Variants in GRM8 observed in about 807,000 individuals in gnomAD.
GRM8 encodes the protein metabotropic glutamate receptor 8.
In GRM8, 47 loss-of-function variants were observed where a neutral mutation model predicts 87.2. That is an observed-to-expected ratio of 0.54 (90% CI 0.43 to 0.69). GRM8 has a LOEUF of 0.69. Ranked by LOEUF, GRM8 falls within the 30% of genes least tolerant of loss-of-function variation. GRM8 has a pLI of 0.00. For synonymous variants in GRM8, 396 were observed against 404.5 expected, an observed-to-expected ratio of 0.98 and a Z score of 0.25; for missense variants, 1,019 against 1,139.2, an observed-to-expected ratio of 0.89 and a Z score of 1.52.
chr7:126,770,782 AAT>A (rs1818759269), intron 6 of GRM8, among the ~76,000 whole-genome samples: 1 of 152,074 alleles, frequency 6.6e-6, no homozygotes, highest in African/African-American at 2.4e-5. Flanking sequence ...TTTTAAATGA[AAT>A]ATAAATGAGA....
intron 8 of GRM8, among the ~76,000 whole-genome samples, chr7:126,558,178 CAG>C (rs1294116043): frequency 1.3e-5 from 2 of 152,080 alleles, no homozygotes; most frequent in African/African-American, 2.4e-5. Context: ...GGTAGGTTAG[CAG>C]AGAGTTAAGT....
chr7:126,607,757 T>C (rs1798505140), intron 8 of GRM8, among the ~76,000 whole-genome samples: 2 of 152,058 alleles, frequency 1.3e-5, no homozygotes, highest in African/African-American at 4.8e-5. Context: ...TGAAGGTTAG[T>C]TACATATGTA....
Position 126,668,043 on chromosome 7 carries a change from G to C in GRM8, c.1358-58545C>G, listed in dbSNP as rs1211104539. Among the ~76,000 whole-genome samples, 10 of 152,322 alleles carry C rather than the reference G, an allele frequency of 6.6e-5. No individual in the cohort carries two copies. In the East Asian group the frequency reaches 1.9e-3, roughly 29 times the overall value. ...TGCCTGGAGAAACTCCAAGCAGCCT[G>C]CCCACTGGGGTGGAGCCACAGAAGT... is the stretch of plus-strand genomic sequence containing the variant. On this transcript the variant is annotated intron_variant, in intron 7 of 10. Transcript: ENST00000339582.
chr7:127,027,783 A>G (rs1273693605), intron 3 of GRM8, among the ~76,000 whole-genome samples: 2 of 152,188 alleles, frequency 1.3e-5, no homozygotes, highest in African/African-American at 2.4e-5. Flanking sequence ...GCAAACAGAG[A>G]CAAATTGACT....
At chr7:126,626,493 C>A (rs946991185) in intron 7 of GRM8, among the ~76,000 whole-genome samples, 18 of 152,102 alleles carry the variant, frequency 1.2e-4, no homozygotes, top group African/African-American at 4.1e-4. Flanking sequence ...TTGAATAATA[C>A]CCTATTTCCT....
intron 2 of GRM8, among the ~76,000 whole-genome samples, chr7:127,241,574 C>T (rs1798303180): frequency 6.6e-6 from 1 of 152,038 alleles, no homozygotes; most frequent in Admixed American, 6.6e-5. Context: ...GCTGGGACTA[C>T]AAGCGTGTGC....
intron 7 of GRM8, 46 bp downstream of exon 7, chr7:126,769,819 C>T: frequency 7.8e-7 from 1 of 1,274,822 alleles, no homozygotes; most frequent in Non-Finnish European, 1.1e-6. Flanking sequence ...GAAAAACACA[C>T]CCTGTCGCTT....
intron 9 of GRM8, among the ~76,000 whole-genome samples, chr7:126,478,447 AT>A (rs1414691572): frequency 9.9e-5 from 15 of 151,856 alleles, no homozygotes; most frequent in Middle Eastern, 3.2e-3. Context: ...GTCAGTTTCC[AT>A]TTTTTTCCTG....
intron 3 of GRM8, among the ~76,000 whole-genome samples, chr7:127,012,729 T>C (rs1324359254): frequency 6.6e-6 from 1 of 152,160 alleles, no homozygotes; most frequent in Non-Finnish European, 1.5e-5. Flanking sequence ...TATTTTACCA[T>C]GAAGCTATTT....
chr7:127,119,765 T>C (rs1355153053), intron 2 of GRM8, among the ~76,000 whole-genome samples: 1 of 152,208 alleles, frequency 6.6e-6, no homozygotes, highest in African/African-American at 2.4e-5. Context: ...GCACTTACGA[T>C]ATGTCAACAC....
Position 126,646,436 on chromosome 7 carries a change from C to T in GRM8, c.1358-36938G>A, listed in dbSNP as rs75229277. ...AAAAAGTTACCTAAAAGACTATCTC[C>T]ACTCACTAACCCATCTTCCTTCATC... On this transcript the variant is annotated intron_variant, in intron 7 of 10. Coordinates refer to ENST00000339582, the MANE Select transcript of GRM8 (RefSeq NM_000845.3). Among the ~76,000 whole-genome samples, 229 of 152,306 alleles carry T rather than the reference C, an allele frequency of 1.5e-3. 1 individual carries two copies. The highest frequency in any genetic ancestry group is 5.3e-3 in the African/African-American group (222 of 41,564).
At chr7:126,472,817 C>G (rs887417906) in intron 9 of GRM8, among the ~76,000 whole-genome samples, 3 of 152,186 alleles carry the variant, frequency 2.0e-5, no homozygotes, top group Non-Finnish European at 2.9e-5. Context: ...AGTCTCGGGA[C>G]TTGGTGCCCT....
rs111620122 is a variant in GRM8, at chr7:126,852,204, C to T, written c.1156+50338G>A. ...ATCCCTCCCTGCCCAGAGAGTGCCC[C>T]GCTCCAGCCATTCTATGTGCCTGTT... On this transcript the variant is annotated intron_variant, in intron 6 of 10. Transcript: ENST00000339582. Among the ~76,000 whole-genome samples, 499 of 152,254 alleles carry T rather than the reference C, an allele frequency of 3.3e-3. 3 individuals carry two copies. Among genetic ancestry groups the T allele is most frequent in the Non-Finnish European group, 4.4e-3 (299 of 68,006 alleles).
intron 3 of GRM8, among the ~76,000 whole-genome samples, chr7:126,914,902 C>A (rs1803726886): frequency 6.6e-6 from 1 of 151,772 alleles, no homozygotes; most frequent in Non-Finnish European, 1.5e-5. Flanking sequence ...TGCTCATGTA[C>A]CCCCCCAATC....
At chr7:127,108,816 T>C (rs1826063833) in intron 2 of GRM8, among the ~76,000 whole-genome samples, 1 of 152,210 alleles carries the variant, frequency 6.6e-6, no homozygotes, top group Admixed American at 6.5e-5. Flanking sequence ...TAATGGACTT[T>C]CTCCCCAAAG....
intron 7 of GRM8, among the ~76,000 whole-genome samples, chr7:126,651,877 C>T (rs540501533): frequency 2.0e-5 from 3 of 152,296 alleles, no homozygotes; most frequent in African/African-American, 7.2e-5. Context: ...TACAACAGCC[C>T]AATCCAGGCA....
At chr7:127,213,097 C>T (rs1035304594) in intron 2 of GRM8, among the ~76,000 whole-genome samples, 2 of 152,164 alleles carry the variant, frequency 1.3e-5, no homozygotes. Context: ...ACCCAAAGCC[C>T]AGTGCTGTCT....
intron 3 of GRM8, among the ~76,000 whole-genome samples, chr7:127,079,355 C>A (rs1252239034): frequency 2.0e-5 from 3 of 152,158 alleles, no homozygotes; most frequent in Non-Finnish European, 4.4e-5. Context: ...CTCCTGACCC[C>A]AGATGATCCA....
intron 6 of GRM8, among the ~76,000 whole-genome samples, chr7:126,872,551 TAC>T (rs2130911964): frequency 6.6e-6 from 1 of 152,306 alleles, no homozygotes; most frequent in Non-Finnish European, 1.5e-5. Context: ...AGCTGTTTGG[TAC>T]AGTGTTTTTA....
Sources: allele counts gnomAD v4.1 joint callset (sites outside exome capture counted in the v4.1 genomes callset), GRCh38; gene constraint gnomAD v4.1.1; transcripts MANE v1.5; gene names NCBI Gene and HGNC (gene_info 2026-07-23, HGNC 2026-07-21).